Variants in GFM1 observed in about 807,000 individuals in gnomAD.
GFM1 encodes G elongation factor mitochondrial 1, also known as elongation factor G, mitochondrial.
A neutral mutation model predicts 96.2 loss-of-function variants in GFM1; 62 were observed. That is an observed-to-expected ratio of 0.64 (90% confidence interval 0.53 to 0.80). The LOEUF (loss-of-function observed/expected upper bound fraction) is 0.80. Ranked by LOEUF, GFM1 falls within the 30% of genes least tolerant of loss-of-function variation. The probability of loss-of-function intolerance (pLI) is 0.00; values close to 1 mark genes in which losing one functional copy is unlikely to be tolerated. For missense variants in GFM1, 852 were observed against 916.6 expected, an observed-to-expected ratio of 0.93 and a Z score of 0.91; for synonymous variants, 282 against 312.9, an observed-to-expected ratio of 0.90 and a Z score of 1.04.
At position 158,690,268 on chromosome 3, in the gene GFM1, A is replaced by C; in HGVS notation, c.2015A>C (p.His672Pro). Reference sequence around the variant, plus strand: ...GTAATTGCAGGAATTAACCGACGCCATGGGGTAATCACTGGGCAAGATGGA... The same window carrying C: ...GTAATTGCAGGAATTAACCGACGCCCTGGGGTAATCACTGGGCAAGATGGA... The part of the protein sequence containing the change: ...GQVIAGINRR[H>P]GVITGQDGVE... The change falls in exon 16 of 18, where the codon CAT becomes CCT. Residue 672 changes from histidine to proline, a missense_variant. His to Pro is a moderately conservative substitution (Grantham distance 77). Transcript: ENST00000486715. 2 of 1,613,952 alleles carry C rather than the reference A, an allele frequency of 1.2e-6. No homozygotes were observed. Among genetic ancestry groups the C allele is most frequent in the Non-Finnish European group, 1.7e-6 (2 of 1,179,830 alleles).
At chr3:158,675,957 G>T (rs1452746723) in intron 13 of GFM1, among the ~76,000 whole-genome samples, 2 of 152,192 alleles carry the variant, frequency 1.3e-5, no homozygotes, top group African/African-American at 4.8e-5. Context: ...AATTATAGAA[G>T]TAATCTAAAA....
At chr3:158,654,742 A>G (rs1362860857) in intron 8 of GFM1, 111 bp downstream of exon 8, 7 of 767,034 alleles carry the variant, frequency 9.1e-6, no homozygotes, top group South Asian at 2.9e-5. Flanking sequence ...GGAAAATAGG[A>G]AAGTAGAAAG....
intron 8 of GFM1, among the ~76,000 whole-genome samples, chr3:158,655,584 GA>G (rs1298531648): frequency 6.6e-6 from 1 of 151,834 alleles, no homozygotes; most frequent in African/African-American, 2.4e-5. Flanking sequence ...AAATTATGTT[GA>G]AATGCCTATT....
At chr3:158,647,637 C>CA (rs1410019628) in intron 4 of GFM1, among the ~76,000 whole-genome samples, 4 of 152,094 alleles carry the variant, frequency 2.6e-5, no homozygotes, top group Non-Finnish European at 5.9e-5. Flanking sequence ...TATCTGATGA[C>CA]AAAAAATCTG....
Position 158,684,842 on chromosome 3 carries a change from C to G in GFM1, c.1909+174C>G, listed in dbSNP as rs947679762. ...AGATCAAGGTAGATTATTATGTTCTCTTTCTTGCAAAGCTAAAAGACTACT... is the reference window on the plus strand; with the variant it reads ...AGATCAAGGTAGATTATTATGTTCTGTTTCTTGCAAAGCTAAAAGACTACT... On this transcript the variant is annotated intron_variant, in intron 15 of 17. Transcript: ENST00000486715. 1.3e-5 allele frequency: 8 copies of G among 631,152 alleles called. No individual in the cohort carries two copies. In the South Asian group the frequency reaches 1.5e-4, roughly 12 times the overall value. The allele number at this position is 631,152 out of a possible 1,614,324, so 39.1% of individuals were successfully genotyped here.
intron 15 of GFM1, among the ~76,000 whole-genome samples, chr3:158,686,563 G>T (rs1315200200): frequency 2.0e-5 from 3 of 149,874 alleles, no homozygotes; most frequent in Admixed American, 6.7e-5. Flanking sequence ...ATATTAATAT[G>T]TATTTCCTGT....
chr3:158,669,901 C>G (rs1724111131), intron 13 of GFM1, among the ~76,000 whole-genome samples: 1 of 152,150 alleles, frequency 6.6e-6, no homozygotes, highest in Admixed American at 6.5e-5. Flanking sequence ...TGTCCATTTG[C>G]AAGGCCAGAT....
In GFM1 at chr3:158,649,028, T is replaced by C; in HGVS notation, c.573-13T>C. 3.4e-6 allele frequency: 4 copies of C among 1,185,750 alleles called. No individual in the cohort carries two copies. Among genetic ancestry groups the C allele is most frequent in the Non-Finnish European group, 5.1e-6 (4 of 789,540 alleles). The allele number at this position is 1,185,750 out of a possible 1,614,324, so 73.5% of individuals were successfully genotyped here. A position where few individuals can be genotyped will look rare whatever the true frequency, so the allele number is the denominator to read the frequency against. The stretch of plus-strand genomic sequence containing the variant: ...GAAGAAAAAAGGTAAACAAGTGTAT[T>C]TTTATTTTTCAGGTCTAAACTAAAT... On this transcript the variant is annotated splice_polypyrimidine_tract_variant and intron_variant, in intron 4 of 17. Transcript: ENST00000486715.
In GFM1 at chr3:158,660,939, C is replaced by G. The variant is rs750290053; in HGVS notation, c.1287C>G (p.Asp429Glu). Reference protein sequence around the residue: ...ALFGIDCASGDTFTDKANSGL... With the variant: ...ALFGIDCASGETFTDKANSGL... ...TTGGCATTGACTGTGCTAGTGGAGACACATTCACAGACAAAGCCAACAGCG... is the reference window on the plus strand; with the variant it reads ...TTGGCATTGACTGTGCTAGTGGAGAGACATTCACAGACAAAGCCAACAGCG... Residue 429 changes from aspartate (D) to glutamate (E), a missense_variant, in exon 10 of 18, where the codon GAC becomes GAG. Transcript: ENST00000486715. 1.2e-6 allele frequency: 2 copies of G among 1,614,004 alleles called. No individual in the cohort carries two copies.
intron 11 of GFM1, among the ~76,000 whole-genome samples, chr3:158,663,478 C>T (rs1464318175): frequency 6.6e-6 from 1 of 150,714 alleles, no homozygotes; most frequent in Non-Finnish European, 1.5e-5. Context: ...ACAGCTGCTA[C>T]TACTACATCT....
At chr3:158,684,440 T>G in intron 14 of GFM1, 84 bp from the exon 15 acceptor site, 2 of 1,405,328 alleles carry the variant, frequency 1.4e-6, no homozygotes, top group Non-Finnish European at 2.0e-6. Context: ...CGTACACTTC[T>G]GAACACAAAT....
At chr3:158,658,321 C>G (rs1444952232) in intron 8 of GFM1, among the ~76,000 whole-genome samples, 1 of 152,038 alleles carries the variant, frequency 6.6e-6, no homozygotes, top group Non-Finnish European at 1.5e-5. Context: ...TGTGCCACCA[C>G]GTCTGGCTGA....
At chr3:158,660,675 A>ATTGT in intron 9 of GFM1, 199 bp from the exon 10 acceptor site, 1 of 591,518 alleles carries the variant, frequency 1.7e-6, no homozygotes, top group East Asian at 2.9e-5. Context: ...TATATGGTTT[A>ATTGT]AATGAAGGCC....
chr3:158,692,215 AAGTATT>A lies in GFM1; in HGVS notation c.*750_*755del, dbSNP rs1726377388. On this transcript the variant is annotated 3_prime_UTR_variant, in exon 18 of 18. Coordinates refer to ENST00000486715, the MANE Select transcript of GFM1 (RefSeq NM_024996.7). ...GTAACTGCCTCTGTTTTAGGAGTAT[AAGTATT>A]ACTTCCTTGTGGTCTATTGTGAAGT... 1 of 152,304 alleles carries A rather than the reference AAGTATT, an allele frequency of 6.6e-6. No individual in the cohort carries two copies. The highest frequency in any genetic ancestry group is 1.5e-5 in the Non-Finnish European group (1 of 68,114). 9.4% of individuals were successfully genotyped at this position (152,304 alleles called of 1,614,324 possible).
At chr3:158,650,100 T>C in intron 5 of GFM1, 1 of 1,474,710 alleles carries the variant, frequency 6.8e-7, no homozygotes, top group Non-Finnish European at 9.2e-7. Context: ...CTATAGAATT[T>C]ATCTTCATCA....
rs200723497 is a variant in GFM1, at chr3:158,645,800, T to A, written c.234+19T>A. On this transcript the variant is annotated intron_variant, in intron 2 of 17. Transcript: ENST00000486715. ...GCATGAGGTATATATTCACGGTTGA[T>A]TCCGGATTAATTAGAACCAGATTTT... 2.1e-5 allele frequency: 34 copies of A among 1,594,154 alleles called. No individual in the cohort carries two copies. The East Asian group carries it at 6.9e-4, about 32-fold the overall frequency.
intron 11 of GFM1, among the ~76,000 whole-genome samples, chr3:158,663,360 A>T (rs933437448): frequency 3.9e-5 from 6 of 152,208 alleles, no homozygotes; most frequent in Non-Finnish European, 8.8e-5. Context: ...TTAATGTGGT[A>T]TATTGAAATT....
In GFM1 at chr3:158,646,728, C is replaced by G. The variant is rs746054486; in HGVS notation, c.368-15C>G. ...GATTGCTCTTTAAGACCCTCTCATACTTCATCTTATTCAGGGCATGTGGAC... is the reference window on the plus strand; with the variant it reads ...GATTGCTCTTTAAGACCCTCTCATAGTTCATCTTATTCAGGGCATGTGGAC... On this transcript the variant is annotated splice_polypyrimidine_tract_variant and intron_variant, in intron 3 of 17. Coordinates refer to ENST00000486715, the MANE Select transcript of GFM1 (RefSeq NM_024996.7). 1.2e-6 allele frequency: 2 copies of G among 1,607,522 alleles called. No individual in the cohort carries two copies. The highest frequency in any genetic ancestry group is 2.2e-5 in the East Asian group (1 of 44,832).
At chr3:158,651,523 T>C (rs1722297816) in intron 5 of GFM1, among the ~76,000 whole-genome samples, 1 of 152,250 alleles carries the variant, frequency 6.6e-6, no homozygotes, top group Non-Finnish European at 1.5e-5. Flanking sequence ...ACTTGTCACA[T>C]ATTTAGTTTA....
Sources: gnomAD v4.1 joint callset for allele counts (sites outside exome capture counted in the v4.1 genomes callset) on GRCh38, gnomAD v4.1.1 for gene constraint, MANE v1.5 for transcripts, NCBI Gene and HGNC (gene_info 2026-07-23, HGNC 2026-07-21) for gene names.